Variants in ALK observed in about 807,000 individuals in gnomAD.
The protein encoded by ALK is ALK receptor tyrosine kinase, also known as ALK tyrosine kinase receptor.
In ALK, 74 loss-of-function variants were observed where a neutral mutation model predicts 163.1. The observed-to-expected ratio is 0.45, with a 90% CI of 0.38 to 0.55. The LOEUF is 0.55. Ranked by LOEUF, ALK falls within the 20% of genes least tolerant of loss-of-function variation. The pLI, the probability that ALK is intolerant of heterozygous loss-of-function variation, is 0.00. For synonymous variants in ALK, 960 were observed against 843.2 expected (o/e 1.14, Z -2.40); for missense variants, 2,063 against 2,105.3 (o/e 0.98, Z 0.39).
intron 8 of ALK, among the ~76,000 whole-genome samples, chr2:29,300,732 C>G (rs1666345436): frequency 6.6e-6 from 1 of 152,118 alleles, no homozygotes; most frequent in Non-Finnish European, 1.5e-5. Context: ...GATTACCCAA[C>G]AGTCTCCAAT....
chr2:29,433,197 TG>T (rs1442372782), intron 4 of ALK, among the ~76,000 whole-genome samples: 2 of 152,204 alleles, frequency 1.3e-5, no homozygotes, highest in African/African-American at 4.8e-5. Context: ...GCCAAGTGAT[TG>T]TTTCTCAGGC....
chr2:29,502,215 G>C (rs1056205497), intron 4 of ALK, among the ~76,000 whole-genome samples: 1 of 152,140 alleles, frequency 6.6e-6, no homozygotes, highest in African/African-American at 2.4e-5. Flanking sequence ...TAACGAATTT[G>C]AGTCACAACT....
At chr2:29,822,348 G>C (rs1665071742) in intron 1 of ALK, among the ~76,000 whole-genome samples, 1 of 152,222 alleles carries the variant, frequency 6.6e-6, no homozygotes, top group Non-Finnish European at 1.5e-5. Context: ...AGGGTACTTA[G>C]GCAGAGGGGA....
intron 3 of ALK, among the ~76,000 whole-genome samples, chr2:29,568,894 T>C (rs987501056): frequency 2.0e-5 from 3 of 151,916 alleles, no homozygotes; most frequent in African/African-American, 7.3e-5. Flanking sequence ...AACTGACCCT[T>C]GTGTATGGTC....
chr2:29,609,390 G>A lies in ALK; in HGVS notation c.953-77274C>T, dbSNP rs551560132. 9.2e-5 allele frequency among the ~76,000 whole-genome samples: 14 copies of A among 152,280 alleles called. No individual in the cohort carries two copies. The East Asian group carries it at 2.7e-3, about 29-fold the overall frequency. On this transcript the variant is annotated intron_variant, in intron 3 of 28. Transcript: ENST00000389048. ...ATGTGATAGCAAGTCGGGAGAGGCA[G>A]GGGCTCTGTGACAACTCTACCCAAT... is the stretch of plus-strand genomic sequence containing the variant.
chr2:29,630,394 T>C (rs1159341916), intron 3 of ALK, among the ~76,000 whole-genome samples: 1 of 152,072 alleles, frequency 6.6e-6, no homozygotes, highest in Non-Finnish European at 1.5e-5. Flanking sequence ...TTCTTACAGG[T>C]GATATTAAGC....
chr2:29,457,185 T>A (rs1028708255), intron 4 of ALK, among the ~76,000 whole-genome samples: 2 of 152,082 alleles, frequency 1.3e-5, no homozygotes, highest in African/African-American at 4.8e-5. Context: ...CCTTACCTAC[T>A]TAGTCCACTA....
At chr2:29,315,861 C>T (rs370107389) in intron 8 of ALK, among the ~76,000 whole-genome samples, 2 of 152,134 alleles carry the variant, frequency 1.3e-5, no homozygotes, top group Non-Finnish European at 2.9e-5. Context: ...GAAGGTCCTT[C>T]GTGGTAGGCA....
At chr2:29,668,432 T>C (rs1677584028) in intron 3 of ALK, among the ~76,000 whole-genome samples, 2 of 152,106 alleles carry the variant, frequency 1.3e-5, no homozygotes, top group South Asian at 2.1e-4. Flanking sequence ...TCATATCCCA[T>C]AGATTTTGGT....
chr2:29,893,489 TG>T (rs1458140067), intron 1 of ALK, among the ~76,000 whole-genome samples: 1 of 152,182 alleles, frequency 6.6e-6, no homozygotes, highest in Non-Finnish European at 1.5e-5. Context: ...ATTAGTTCTT[TG>T]TGTTATTGTT....
At chr2:29,413,756 C>T (rs929523876) in intron 4 of ALK, among the ~76,000 whole-genome samples, 2 of 152,206 alleles carry the variant, frequency 1.3e-5, no homozygotes, top group African/African-American at 4.8e-5. Flanking sequence ...TGGTCTCGAA[C>T]TCCTGACCTC....
chr2:29,222,601 C>A lies in ALK; in HGVS notation c.3366G>T (p.Leu1122=), dbSNP rs758871506. Residue 1122 remains leucine (L), a synonymous_variant, in exon 21 of 29, where the codon CTG becomes CTT. Coordinates refer to ENST00000389048, the MANE Select transcript of ALK (RefSeq NM_004304.5). ...ACACCTCCCCAAAGGCGCCATGGCCCAGACCCCTGTGCAAAGGAGAAGACA... is the reference window on the plus strand; with the variant it reads ...ACACCTCCCCAAAGGCGCCATGGCCAAGACCCCTGTGCAAAGGAGAAGACA... ...PRKNITLIRG[L]GHGAFGEVYE... 6.2e-7 allele frequency: 1 copy of A among 1,613,772 alleles called. No homozygotes were observed. The highest frequency in any genetic ancestry group is 2.2e-5 in the East Asian group (1 of 44,866).
At chr2:29,893,725 A>G (rs1452021469) in intron 1 of ALK, among the ~76,000 whole-genome samples, 4 of 152,174 alleles carry the variant, frequency 2.6e-5, no homozygotes, top group African/African-American at 7.2e-5. Context: ...TTTCCATAAT[A>G]TCTGTAATAA....
At position 29,371,265 on chromosome 2, in the gene ALK, C is replaced by T. The variant is rs368345305; in HGVS notation, c.1282+12467G>A. Among the ~76,000 whole-genome samples the T allele has an allele frequency of 3.3e-5, 5 of 152,338 alleles. 1 individual carries two copies. Among genetic ancestry groups the T allele is most frequent in the African/African-American group, 1.2e-4 (5 of 41,568 alleles). ...CAGCATAACTTGAAGACAGAAAATGCCAGAACTTTAAAATAACCAGAATAA... is the reference window on the plus strand; with the variant it reads ...CAGCATAACTTGAAGACAGAAAATGTCAGAACTTTAAAATAACCAGAATAA... On this transcript the variant is annotated intron_variant, in intron 5 of 28. Coordinates refer to ENST00000389048, the MANE Select transcript of ALK (RefSeq NM_004304.5).
At position 29,468,991 on chromosome 2, in the gene ALK, G is replaced by A. The variant is rs151151349; in HGVS notation, c.1154+62924C>T. On this transcript the variant is annotated intron_variant, in intron 4 of 28. Transcript: ENST00000389048. ...CAGACTTTGGCAATGACCTTGAGCA[G>A]TAGGATATAAATAACACTCACATGC... Among the ~76,000 whole-genome samples, 688 of 151,916 alleles carry A rather than the reference G, an allele frequency of 4.5e-3. 3 individuals carry two copies. Among genetic ancestry groups the A allele is most frequent in the Non-Finnish European group, 6.5e-3 (440 of 67,994 alleles).
intron 11 of ALK, among the ~76,000 whole-genome samples, chr2:29,271,616 A>C (rs1481526900): frequency 6.6e-6 from 1 of 151,992 alleles, no homozygotes; most frequent in Non-Finnish European, 1.5e-5. Flanking sequence ...GTTCACATTA[A>C]CCCCCCTCAT....
At chr2:29,803,849 C>T (rs1664544688) in intron 1 of ALK, among the ~76,000 whole-genome samples, 2 of 152,178 alleles carry the variant, frequency 1.3e-5, no homozygotes, top group Admixed American at 6.5e-5. Context: ...TTCTCCATTT[C>T]CTTACATGTG....
At chr2:29,295,100 C>T (rs1666137073) in intron 9 of ALK, among the ~76,000 whole-genome samples, 1 of 152,178 alleles carries the variant, frequency 6.6e-6, no homozygotes, top group African/African-American at 2.4e-5. Flanking sequence ...TATTAGGTCA[C>T]AAGGCATCAT....
chr2:29,568,689 G>A (rs1190368389), intron 3 of ALK, among the ~76,000 whole-genome samples: 1 of 152,208 alleles, frequency 6.6e-6, no homozygotes, highest in Non-Finnish European at 1.5e-5. Flanking sequence ...GAAAGCATGG[G>A]TGTGGGTTCG....
Sources: gnomAD v4.1 joint callset for allele counts (sites outside exome capture counted in the v4.1 genomes callset) on GRCh38, gnomAD v4.1.1 for gene constraint, MANE v1.5 for transcripts, NCBI Gene and HGNC (gene_info 2026-07-23, HGNC 2026-07-21) for gene names.